Variants in PLCE1 observed in about 807,000 individuals in gnomAD.
PLCE1 encodes the protein 1-phosphatidylinositol 4,5-bisphosphate phosphodiesterase epsilon-1.
PLCE1 carries 119 observed loss-of-function variants against 242.8 expected under a neutral mutation model. That is an observed-to-expected ratio of 0.49 (90% CI 0.42 to 0.57). PLCE1 has a LOEUF of 0.57. PLCE1 is among the 20% of genes least tolerant of loss of function. The pLI, the probability that PLCE1 is intolerant of heterozygous loss-of-function variation, is 0.00. For missense variants in PLCE1, 2,441 were observed against 2,788.8 expected, an observed-to-expected ratio of 0.88 and a Z score of 2.81; for synonymous variants, 945 against 1,017.4, an observed-to-expected ratio of 0.93 and a Z score of 1.35.
At chr10:94,272,091 C>T (rs1299221327) in intron 18 of PLCE1, among the ~76,000 whole-genome samples, 2 of 152,128 alleles carry the variant, frequency 1.3e-5, no homozygotes, top group Admixed American at 6.6e-5. Flanking sequence ...TAACAGAAAA[C>T]AGGGTTCAAG....
At chr10:94,087,138 A>C (rs989764311) in intron 2 of PLCE1, among the ~76,000 whole-genome samples, 1 of 152,102 alleles carries the variant, frequency 6.6e-6, no homozygotes, top group Admixed American at 6.5e-5. Context: ...ACTTGAGCCC[A>C]GGAGTTCGAG....
intron 1 of PLCE1, among the ~76,000 whole-genome samples, chr10:94,021,501 A>G (rs894885906): frequency 9.9e-5 from 15 of 152,112 alleles, no homozygotes; most frequent in African/African-American, 3.4e-4. Flanking sequence ...CCATTTATTG[A>G]CTGCCCTTTC....
intron 4 of PLCE1, among the ~76,000 whole-genome samples, chr10:94,186,966 C>G: frequency 6.6e-6 from 1 of 152,176 alleles, no homozygotes; most frequent in East Asian, 1.9e-4. Flanking sequence ...TTAGCTTTTA[C>G]ACAACCCTGA....
intron 2 of PLCE1, chr10:94,104,236 CA>C (rs1330215230): frequency 2.0e-5 from 3 of 152,244 alleles, no homozygotes; most frequent in Non-Finnish European, 4.4e-5. Context: ...GTCCTCTTCA[CA>C]ACCCTATGAA....
chr10:94,174,433 C>A (rs1269805433), intron 4 of PLCE1, among the ~76,000 whole-genome samples: 2 of 151,978 alleles, frequency 1.3e-5, no homozygotes, highest in Admixed American at 1.3e-4. Flanking sequence ...AATTATTGGG[C>A]AAAAGTAAGT....
chr10:94,178,206 G>A (rs1564760648), intron 4 of PLCE1, among the ~76,000 whole-genome samples: 1 of 152,162 alleles, frequency 6.6e-6, no homozygotes, highest in Non-Finnish European at 1.5e-5. Context: ...TTTTCAAGGG[G>A]CCATAAGCAG....
intron 27 of PLCE1, among the ~76,000 whole-genome samples, chr10:94,309,075 T>A (rs1431915877): frequency 1.3e-5 from 2 of 152,228 alleles, no homozygotes; most frequent in Non-Finnish European, 2.9e-5. Context: ...AGGAAGAGGC[T>A]TATTATGCGA....
intron 5 of PLCE1, among the ~76,000 whole-genome samples, chr10:94,227,932 T>C (rs1468312838): frequency 1.3e-5 from 2 of 152,244 alleles, no homozygotes; most frequent in Non-Finnish European, 2.9e-5. Context: ...ATGTCAAGTA[T>C]GAGCTATGCA....
Position 94,279,894 on chromosome 10 carries a change from A to G in PLCE1, c.4778A>G (p.Tyr1593Cys), listed in dbSNP as rs1024165268. The G allele has an allele frequency of 6.2e-7, 1 of 1,613,764 alleles. No individual in the cohort carries two copies. Among genetic ancestry groups the G allele is most frequent in the Non-Finnish European group, 8.5e-7 (1 of 1,179,742 alleles). Reference protein sequence around the residue: ...EDEEDEYDYDYESLSDDNILE... With the variant: ...EDEEDEYDYDCESLSDDNILE... Reference sequence around the variant, plus strand: ...GAGGAGGACGAATATGATTATGACTATGAATCCCTTTCTGATGGTAAGAGA... The same window carrying G: ...GAGGAGGACGAATATGATTATGACTGTGAATCCCTTTCTGATGGTAAGAGA... Residue 1593 changes from tyrosine to cysteine, a missense_variant, in exon 20 of 33, where the codon TAT becomes TGT. Physicochemically the swap from Tyr to Cys is radical, Grantham distance 194. This residue lies in a region of PLCE1 where 1,004 missense variants were observed against 1,322.7 expected (regional missense o/e 0.76). Coordinates refer to ENST00000371380, the MANE Select transcript of PLCE1 (RefSeq NM_016341.4).
intron 2 of PLCE1, among the ~76,000 whole-genome samples, chr10:94,077,434 A>G (rs924693280): frequency 6.6e-6 from 1 of 152,176 alleles, no homozygotes; most frequent in African/African-American, 2.4e-5. Flanking sequence ...TATAGTGTGA[A>G]TTTCTCATCC....
intron 23 of PLCE1, 108 bp downstream of exon 23, chr10:94,293,747 C>T (rs2052715745): frequency 1.6e-6 from 2 of 1,253,926 alleles, no homozygotes; most frequent in South Asian, 2.5e-5. Context: ...TTTTCCTGAA[C>T]ATTAATATTG....
chr10:94,124,381 GAAAA>G (rs981911349), intron 2 of PLCE1, among the ~76,000 whole-genome samples: 3 of 58,586 alleles, frequency 5.1e-5, no homozygotes, highest in Non-Finnish European at 1.1e-4. Flanking sequence ...TTGTCTCAGA[GAAAA>G]AAAAAAAAAA....
intron 4 of PLCE1, among the ~76,000 whole-genome samples, chr10:94,184,103 G>A (rs1191923634): frequency 6.6e-6 from 1 of 152,142 alleles, no homozygotes; most frequent in African/African-American, 2.4e-5. Context: ...CATCTGCTAA[G>A]CTAGGTTGAA....
intron 9 of PLCE1, 43 bp from the exon 10 acceptor site, chr10:94,254,147 G>C: frequency 7.1e-7 from 1 of 1,403,668 alleles, no homozygotes; most frequent in Non-Finnish European, 1.0e-6. Flanking sequence ...AGTGATGGGA[G>C]AGAAATACAG....
At chr10:94,116,920 C>A (rs1393372648) in intron 2 of PLCE1, among the ~76,000 whole-genome samples, 1 of 152,142 alleles carries the variant, frequency 6.6e-6, no homozygotes, top group Non-Finnish European at 1.5e-5. Context: ...AGAGTTTCTG[C>A]TATTATCCCT....
intron 4 of PLCE1, among the ~76,000 whole-genome samples, chr10:94,207,380 G>C (rs1057312016): frequency 2.0e-5 from 3 of 152,112 alleles, no homozygotes; most frequent in African/African-American, 7.2e-5. Flanking sequence ...TCTCACGGTT[G>C]GAAATGATAC....
In PLCE1 at chr10:94,178,824, G is replaced by C. The variant is rs80162500; in HGVS notation, c.1809+7328G>C. Among the ~76,000 whole-genome samples the C allele has an allele frequency of 2.6e-3, 390 of 152,302 alleles. 1 individual carries two copies. Among genetic ancestry groups the C allele is most frequent in the Non-Finnish European group, 4.2e-3 (289 of 68,028 alleles). On this transcript the variant is annotated intron_variant, in intron 4 of 32. Transcript: ENST00000371380. ...TGTGAGGCAGTGTCATGTCCAAATA[G>C]GTTCTTTCACTTGAAATGTTTTAGA...
At chr10:94,237,590 T>C (rs968603333) in intron 7 of PLCE1, among the ~76,000 whole-genome samples, 2 of 152,228 alleles carry the variant, frequency 1.3e-5, no homozygotes, top group Non-Finnish European at 2.9e-5. Context: ...AAAATGCAGA[T>C]ATTTCTTTTA....
At chr10:94,119,891 A>G (rs193261348) in intron 2 of PLCE1, among the ~76,000 whole-genome samples, 7 of 152,368 alleles carry the variant, frequency 4.6e-5, no homozygotes, top group Admixed American at 2.0e-4. Context: ...AACAAAGTCC[A>G]AACAAGGAAT....
Sources: allele counts gnomAD v4.1 joint callset (sites outside exome capture counted in the v4.1 genomes callset), GRCh38; gene constraint gnomAD v4.1.1; regional missense constraint gnomAD v4.1.1; transcripts MANE v1.5; gene names NCBI Gene and HGNC (gene_info 2026-07-23, HGNC 2026-07-21).